The following DENND2A variants were observed in gnomAD, a reference collection of about 807,000 sequenced individuals.
DENND2A encodes the protein DENN domain-containing protein 2A.
Under a neutral mutation model 105.3 loss-of-function variants are expected in DENND2A, and 53 were observed. The ratio of observed to expected loss-of-function variants is 0.50; its 90% CI spans 0.40 to 0.63. The LOEUF is 0.63. DENND2A is among the 30% of genes least tolerant of loss of function. DENND2A has a pLI of 0.00. For synonymous variants in DENND2A, 522 were observed against 508.4 expected, an observed-to-expected ratio of 1.03 and a Z score of -0.36; for missense variants, 1,138 against 1,279.6, an observed-to-expected ratio of 0.89 and a Z score of 1.69.
intron 16 of DENND2A, among the ~76,000 whole-genome samples, chr7:140,524,875 G>C (rs563297184): frequency 6.6e-6 from 1 of 151,342 alleles, no homozygotes; most frequent in Non-Finnish European, 1.5e-5. Flanking sequence ...CCCCGGCCAG[G>C]GCAAATATTC....
chr7:140,599,337 AAATAAT>A (rs999232903), intron 3 of DENND2A, among the ~76,000 whole-genome samples: 2 of 152,200 alleles, frequency 1.3e-5, no homozygotes, highest in African/African-American at 4.8e-5. Context: ...CTCGAAAAAA[AAATAAT>A]AATAATAATA....
intron 1 of DENND2A, among the ~76,000 whole-genome samples, chr7:140,619,395 G>A (rs950149913): frequency 5.9e-5 from 9 of 152,166 alleles, no homozygotes; most frequent in African/African-American, 2.2e-4. Context: ...GGAATAAGGA[G>A]TGACTGCTGA....
Position 140,584,159 on chromosome 7 carries a change from T to G in DENND2A, c.1245+1430A>C, listed in dbSNP as rs113321702. Among the ~76,000 whole-genome samples the G allele has an allele frequency of 1.2e-4, 15 of 130,268 alleles. 1 individual carries two copies. Among genetic ancestry groups the G allele is most frequent in the African/African-American group, 5.1e-4 (14 of 27,322 alleles). The allele number at this position is 130,268 out of a possible 152,430, so 85.5% of individuals were successfully genotyped here. On this transcript the variant is annotated intron_variant, in intron 5 of 19. Coordinates refer to ENST00000496613, the MANE Select transcript of DENND2A (RefSeq NM_015689.5). The stretch of plus-strand genomic sequence containing the variant: ...TGGGAGGCTAAGGCAGGAGAATTGC[T>G]TGAACCCGGGAGGTGGAGCTTGCAT...
intron 11 of DENND2A, among the ~76,000 whole-genome samples, chr7:140,556,368 T>C (rs1052844360): frequency 2.6e-5 from 4 of 151,846 alleles, no homozygotes; most frequent in Admixed American, 6.6e-5. Flanking sequence ...AGACGGAGTC[T>C]TGCTCTGTTG....
intron 1 of DENND2A, among the ~76,000 whole-genome samples, chr7:140,638,940 A>AG (rs1801065261): frequency 6.6e-6 from 1 of 152,184 alleles, no homozygotes; most frequent in African/African-American, 2.4e-5. Context: ...CCTGGAAGGA[A>AG]GGGGGACGTC....
intron 18 of DENND2A, among the ~76,000 whole-genome samples, chr7:140,520,782 C>T (rs1347767444): frequency 6.6e-6 from 1 of 151,826 alleles, no homozygotes; most frequent in Non-Finnish European, 1.5e-5. Context: ...TGGTCTCGAA[C>T]TCCTGACCTC....
At chr7:140,622,210 C>G (rs1479409091) in intron 1 of DENND2A, among the ~76,000 whole-genome samples, 1 of 151,984 alleles carries the variant, frequency 6.6e-6, no homozygotes, top group Non-Finnish European at 1.5e-5. Flanking sequence ...CCAGCCTGGC[C>G]AACATGGTGA....
intron 1 of DENND2A, among the ~76,000 whole-genome samples, chr7:140,614,428 T>C (rs1420560965): frequency 6.6e-6 from 1 of 152,214 alleles, no homozygotes; most frequent in Non-Finnish European, 1.5e-5. Flanking sequence ...TACTGTGACT[T>C]GTGTTTCTTT....
chr7:140,534,048 G>A (rs1796366235), intron 14 of DENND2A, among the ~76,000 whole-genome samples: 1 of 150,944 alleles, frequency 6.6e-6, no homozygotes, highest in Non-Finnish European at 1.5e-5. Flanking sequence ...CAAGTAGCTG[G>A]GATCACAGGC....
At chr7:140,539,203 G>A (rs888168449) in intron 14 of DENND2A, among the ~76,000 whole-genome samples, 1 of 152,196 alleles carries the variant, frequency 6.6e-6, no homozygotes, top group Non-Finnish European at 1.5e-5. Context: ...TCATGGCCTG[G>A]CCAAAGAACA....
intron 12 of DENND2A, among the ~76,000 whole-genome samples, chr7:140,554,676 G>T (rs1797286309): frequency 1.3e-5 from 2 of 152,050 alleles, no homozygotes; most frequent in African/African-American, 4.8e-5. Context: ...CTCATGTCTG[G>T]TTAATACAGG....
intron 14 of DENND2A, 28 bp downstream of exon 14, chr7:140,544,590 C>T (rs535809452): frequency 3.1e-6 from 5 of 1,614,104 alleles, no homozygotes; most frequent in East Asian, 2.2e-5. Context: ...CATTCAAACG[C>T]TTTAGCAGAA....
chr7:140,534,283 C>T (rs979063057), intron 14 of DENND2A, among the ~76,000 whole-genome samples: 2 of 151,306 alleles, frequency 1.3e-5, no homozygotes, highest in African/African-American at 2.4e-5. Flanking sequence ...CGGGGTTTCA[C>T]CATGTTGGCC....
Position 140,607,939 on chromosome 7 carries a change from G to A in DENND2A, c.-247-2133C>T, listed in dbSNP as rs562166879. Among the ~76,000 whole-genome samples the A allele has an allele frequency of 7.9e-5, 12 of 152,258 alleles. No homozygotes were observed. In the South Asian group the frequency reaches 8.3e-4, roughly 11 times the overall value. On this transcript the variant is annotated intron_variant, in intron 1 of 19. Coordinates refer to ENST00000496613, the MANE Select transcript of DENND2A (RefSeq NM_015689.5). Reference sequence around the variant, plus strand: ...TCAAAGATGAGTAAGAGTCTCTGCCGTCATCGAGAGCACCAGGGCTGTGCC... The same window carrying A: ...TCAAAGATGAGTAAGAGTCTCTGCCATCATCGAGAGCACCAGGGCTGTGCC...
At chr7:140,587,870 AT>A (rs1798853588) in intron 3 of DENND2A, 90 bp from the exon 4 acceptor site, 2 of 1,288,446 alleles carry the variant, frequency 1.6e-6, no homozygotes, top group Non-Finnish European at 1.0e-6. Flanking sequence ...CCTCGGCCAA[AT>A]TTTCTTTTTC....
chr7:140,609,207 T>C (rs909598720), intron 1 of DENND2A, among the ~76,000 whole-genome samples: 2 of 152,192 alleles, frequency 1.3e-5, no homozygotes, highest in Admixed American at 6.6e-5. Flanking sequence ...CCAGATGGGC[T>C]ATTACTAATA....
In DENND2A at chr7:140,575,613, G is replaced by A. The variant is rs1011211964; in HGVS notation, c.1246-1605C>T. Reference sequence around the variant, plus strand: ...TAACCTAGATATCCATCAATAGAGGGGCTGGTCAAACAAATTATGATATAC... The same window carrying A: ...TAACCTAGATATCCATCAATAGAGGAGCTGGTCAAACAAATTATGATATAC... On this transcript the variant is annotated intron_variant, in intron 5 of 19. Transcript: ENST00000496613. 7.2e-5 allele frequency among the ~76,000 whole-genome samples: 11 copies of A among 152,204 alleles called. No individual in the cohort carries two copies. In the South Asian group the frequency reaches 2.3e-3, roughly 32 times the overall value.
At chr7:140,547,554 A>T (rs75350819) in intron 12 of DENND2A, among the ~76,000 whole-genome samples, 1 of 152,280 alleles carries the variant, frequency 6.6e-6, no homozygotes, top group African/African-American at 2.4e-5. Flanking sequence ...TAGTGAAGCT[A>T]CTCTGGAGAA....
chr7:140,584,568 C>T (rs1224112613), intron 5 of DENND2A, among the ~76,000 whole-genome samples: 1 of 152,146 alleles, frequency 6.6e-6, no homozygotes, highest in Non-Finnish European at 1.5e-5. Context: ...TTGAAATTAC[C>T]ATCTATATCA....
Sources: gnomAD v4.1 joint callset for allele counts (sites outside exome capture counted in the v4.1 genomes callset) on GRCh38, gnomAD v4.1.1 for gene constraint, MANE v1.5 for transcripts, NCBI Gene and HGNC (gene_info 2026-07-23, HGNC 2026-07-21) for gene names.